Variants in CCDC138 observed in about 807,000 individuals in gnomAD.
CCDC138 encodes coiled-coil domain containing 138.
CCDC138 carries 66 observed loss-of-function variants against 82.3 expected under a neutral mutation model. The observed-to-expected ratio is 0.80, with a 90% CI of 0.66 to 0.98. The LOEUF is 0.98. Among genes scored for constraint, CCDC138 ranks in the 50% least tolerant of loss-of-function variants. The pLI, the probability that CCDC138 is intolerant of heterozygous loss-of-function variation, is 0.00. For synonymous variants in CCDC138, 297 were observed against 265.4 expected (o/e 1.12, Z -1.16); for missense variants, 816 against 758.9 (o/e 1.08, Z -0.88).
chr2:108,858,045 A>G (rs1246026586), intron 13 of CCDC138, among the ~76,000 whole-genome samples: 6 of 152,206 alleles, frequency 3.9e-5, no homozygotes, highest in African/African-American at 2.4e-5. Flanking sequence ...ACCATTGTCC[A>G]GGTTACTCTC....
rs139557620 is a variant in CCDC138 at position 108,806,292 on chromosome 2, G to A, written c.855+1284G>A. Among the ~76,000 whole-genome samples, 40 of 152,292 alleles carry A rather than the reference G, an allele frequency of 2.6e-4. 1 individual carries two copies. Among genetic ancestry groups the A allele is most frequent in the Middle Eastern group, 3.4e-3 (1 of 294 alleles). ...CTTGTGAGGATTTTAAAAATTCCTA[G>A]CATAGATAAACTGTTGCCCATACCT... On this transcript the variant is annotated intron_variant, in intron 7 of 14. Coordinates refer to ENST00000295124, the MANE Select transcript of CCDC138 (RefSeq NM_144978.3).
At chr2:108,809,462 G>A (rs1043814991) in intron 7 of CCDC138, among the ~76,000 whole-genome samples, 2 of 150,824 alleles carry the variant, frequency 1.3e-5, no homozygotes, top group Admixed American at 6.6e-5. Flanking sequence ...GTGTGTGTGT[G>A]TGTGTGTGTG....
At chr2:108,856,472 TTATCAAATA>T (rs1368505266) in intron 12 of CCDC138, among the ~76,000 whole-genome samples, 1 of 152,208 alleles carries the variant, frequency 6.6e-6, no homozygotes, top group African/African-American at 2.4e-5. Context: ...CATGTAGTAG[TTATCAAATA>T]TGGAAAAATA....
chr2:108,845,641 G>A (rs1381236702), intron 11 of CCDC138, among the ~76,000 whole-genome samples: 3 of 149,994 alleles, frequency 2.0e-5, no homozygotes, highest in Non-Finnish European at 3.0e-5. Context: ...GTGCGACCTC[G>A]GCTCACTGCA....
intron 7 of CCDC138, among the ~76,000 whole-genome samples, chr2:108,812,174 A>C (rs564349133): frequency 5.3e-5 from 8 of 152,266 alleles, no homozygotes; most frequent in African/African-American, 1.4e-4. Context: ...AAGACTCAAT[A>C]TTCTTCCTTT....
chr2:108,841,398 T>C (rs1027624388), intron 11 of CCDC138, among the ~76,000 whole-genome samples: 4 of 152,200 alleles, frequency 2.6e-5, no homozygotes, highest in South Asian at 4.1e-4. Flanking sequence ...TTATATGTTA[T>C]AACCTTCATC....
chr2:108,846,469 A>G (rs1410179505), intron 11 of CCDC138, among the ~76,000 whole-genome samples: 2 of 151,838 alleles, frequency 1.3e-5, no homozygotes, highest in Non-Finnish European at 2.9e-5. Flanking sequence ...ACTTGAGCCC[A>G]AGAGTTCGAG....
chr2:108,827,814 T>TAA (rs11346556), intron 10 of CCDC138, among the ~76,000 whole-genome samples: 38 of 134,114 alleles, frequency 2.8e-4, no homozygotes, highest in African/African-American at 1.1e-3. Flanking sequence ...AGAATATGTC[T>TAA]AAAAAAAAAA....
chr2:108,856,934 G>A lies in CCDC138; in HGVS notation c.1657G>A (p.Val553Ile). ...RISSKGLLSN[V>I]IDSLLQMTVE... is the part of the protein sequence containing the mutation. ...ATCCAGTAAAGGACTCCTGTCTAAT[G>A]TTATTGATAGTTTGCTCCAGATGAC... is the stretch of plus-strand genomic sequence containing the variant. The change falls in exon 13 of 15, where the codon GTT (valine) becomes ATT (isoleucine). Residue 553 changes from valine to isoleucine, a missense_variant. Transcript: ENST00000295124. 1 of 1,609,500 alleles carries A rather than the reference G, an allele frequency of 6.2e-7. No individual in the cohort carries two copies.
intron 12 of CCDC138, among the ~76,000 whole-genome samples, chr2:108,848,828 A>G (rs892919286): frequency 6.6e-6 from 1 of 152,204 alleles, no homozygotes; most frequent in African/African-American, 2.4e-5. Flanking sequence ...AAATGAATCA[A>G]AATTGGCACT....
At chr2:108,788,994 C>T in intron 3 of CCDC138, 28 bp downstream of exon 3, 1 of 1,611,730 alleles carries the variant, frequency 6.2e-7, no homozygotes, top group Non-Finnish European at 8.5e-7. Context: ...TTTACTGTTG[C>T]TACCCCCTCA....
chr2:108,794,361 CT>C (rs149765423), intron 4 of CCDC138, 178 bp from the exon 5 acceptor site: 9,532 of 172,870 alleles, frequency 0.055, 991 homozygotes, highest in African/African-American at 0.21. Flanking sequence ...GCTGTATACC[CT>C]TCACCCAAAT....
intron 12 of CCDC138, among the ~76,000 whole-genome samples, chr2:108,855,711 A>G (rs1236241235): frequency 6.6e-6 from 1 of 152,224 alleles, no homozygotes; most frequent in Non-Finnish European, 1.5e-5. Flanking sequence ...AAATAGTTTC[A>G]TATGTATTTT....
rs182183953 is a variant in CCDC138, at chr2:108,881,768, A to G, written c.44-903A>G. On this transcript the variant is annotated intron_variant, in intron 1 of 2. Coordinates refer to the CCDC138 transcript ENST00000608781. ...GGATCAGCCAGTCAGTGGAGCAGTC[A>G]TAACACACAAATTCATCAATTAAGT... Among the ~76,000 whole-genome samples the G allele has an allele frequency of 8.5e-5, 13 of 152,356 alleles. No homozygotes were observed. The East Asian group carries it at 2.5e-3, about 29-fold the overall frequency.
At chr2:108,830,281 A>C (rs1033847866) in intron 10 of CCDC138, among the ~76,000 whole-genome samples, 1 of 152,230 alleles carries the variant, frequency 6.6e-6, no homozygotes, top group Non-Finnish European at 1.5e-5. Flanking sequence ...TTATTATTTA[A>C]TGGATACAGA....
chr2:108,849,338 AAC>A (rs1375350258), intron 12 of CCDC138, among the ~76,000 whole-genome samples: 2 of 152,184 alleles, frequency 1.3e-5, no homozygotes, highest in African/African-American at 4.8e-5. Flanking sequence ...GAAAACTATA[AAC>A]ACACAAATCC....
At chr2:108,873,911 TA>T (rs970670082) in intron 14 of CCDC138, among the ~76,000 whole-genome samples, 2 of 151,712 alleles carry the variant, frequency 1.3e-5, no homozygotes, top group African/African-American at 2.4e-5. Flanking sequence ...CTTTGATTAT[TA>T]AAAAAAAATT....
chr2:108,861,567 G>A (rs553624696), intron 13 of CCDC138, among the ~76,000 whole-genome samples: 9 of 143,012 alleles, frequency 6.3e-5, no homozygotes, highest in Admixed American at 7.0e-5. Context: ...TGCAACCTCC[G>A]CCTCCTGGGT....
intron 5 of CCDC138, among the ~76,000 whole-genome samples, chr2:108,797,473 G>T (rs1681095734): frequency 6.6e-6 from 1 of 152,196 alleles, no homozygotes; most frequent in Non-Finnish European, 1.5e-5. Context: ...TCTTAAGTGA[G>T]TTGAGGAGTG....
Sources: allele counts gnomAD v4.1 joint callset (sites outside exome capture counted in the v4.1 genomes callset), GRCh38; gene constraint gnomAD v4.1.1; transcripts MANE v1.5; gene names NCBI Gene and HGNC (gene_info 2026-07-23, HGNC 2026-07-21).